The following ABHD3 variants were observed in gnomAD, a reference collection of about 807,000 sequenced individuals.
ABHD3 encodes the protein abhydrolase domain containing 3, phospholipase.
Under a neutral mutation model 48.8 loss-of-function variants are expected in ABHD3, and 46 were observed. The observed-to-expected ratio is 0.94, with a 90% confidence interval of 0.74 to 1.20. The LOEUF (loss-of-function observed/expected upper bound fraction) is 1.20, where lower values mean the gene tolerates loss of function less well. Ranked by LOEUF, ABHD3 falls within the 50% of genes most tolerant of loss-of-function variation. The pLI is 0.00. For synonymous variants in ABHD3, 192 were observed against 183.7 expected, an observed-to-expected ratio of 1.04 and a Z score of -0.36; for missense variants, 490 against 497.8, an observed-to-expected ratio of 0.98 and a Z score of 0.15.
In ABHD3 at chr18:21,704,490, C is replaced by T. The variant is rs778465944; in HGVS notation, c.162+14G>A. Reference sequence around the variant, plus strand: ...GGCCCAGCAGCCCGCGGCCCTGCGCCACCCCCGGCTCACCTTGGCAATGCT... The same window carrying T: ...GGCCCAGCAGCCCGCGGCCCTGCGCTACCCCCGGCTCACCTTGGCAATGCT... On this transcript the variant is annotated intron_variant, in intron 1 of 8. Coordinates refer to ENST00000289119, the MANE Select transcript of ABHD3 (RefSeq NM_138340.5). The T allele has an allele frequency of 5.7e-6, 8 of 1,397,112 alleles. No homozygotes were observed. The East Asian group carries it at 9.2e-5, about 16-fold the overall frequency. 86.5% of individuals were successfully genotyped at this position (1,397,112 alleles called of 1,614,324 possible).
At chr18:21,696,632 G>A (rs1024186446) in intron 3 of ABHD3, among the ~76,000 whole-genome samples, 10 of 152,166 alleles carry the variant, frequency 6.6e-5, no homozygotes, top group African/African-American at 2.4e-4. Context: ...AATTGTTAGA[G>A]AAAACTGCCT....
At chr18:21,653,159 C>A (rs1289440973) in intron 8 of ABHD3, among the ~76,000 whole-genome samples, 1 of 137,682 alleles carries the variant, frequency 7.3e-6, no homozygotes, top group Non-Finnish European at 1.5e-5. Context: ...GTCAGGAGTT[C>A]AAGAACGGCC....
At chr18:21,687,991 A>G (rs1296017602) in intron 3 of ABHD3, among the ~76,000 whole-genome samples, 2 of 152,166 alleles carry the variant, frequency 1.3e-5, no homozygotes, top group Non-Finnish European at 2.9e-5. Flanking sequence ...CTGGGGGAAA[A>G]ACGGCCCCTA....
At chr18:21,699,168 C>T (rs1171089894) in intron 3 of ABHD3, among the ~76,000 whole-genome samples, 2 of 152,132 alleles carry the variant, frequency 1.3e-5, no homozygotes, top group Admixed American at 6.5e-5. Flanking sequence ...CCCACCTCAG[C>T]CTCCCAAAGT....
chr18:21,661,897 C>T (rs990878856), intron 5 of ABHD3: 27 of 152,110 alleles, frequency 1.8e-4, no homozygotes, highest in African/African-American at 6.0e-4. Flanking sequence ...GTCTCGAACT[C>T]CCGAACTCAG....
At chr18:21,689,847 C>T (rs895699419) in intron 3 of ABHD3, among the ~76,000 whole-genome samples, 2 of 152,018 alleles carry the variant, frequency 1.3e-5, no homozygotes, top group African/African-American at 4.8e-5. Flanking sequence ...TTGAGTGCAG[C>T]CAAGTTAACT....
chr18:21,701,565 CAA>C lies in ABHD3; in HGVS notation c.509+749_509+750del, dbSNP rs1568167111. 6 of 151,812 alleles carry C rather than the reference CAA, an allele frequency of 4.0e-5. No individual in the cohort carries two copies. In the South Asian group the frequency reaches 1.0e-3, roughly 26 times the overall value. 9.4% of individuals were successfully genotyped at this position (151,812 alleles called of 1,614,324 possible). ...TTTCACACAAGTGTTTCAAGTTTAA[CAA>C]AAGATACAACTCTACTTTAAATACA... is the stretch of plus-strand genomic sequence containing the variant. On this transcript the variant is annotated intron_variant, in intron 3 of 8. Coordinates refer to ENST00000289119, the MANE Select transcript of ABHD3 (RefSeq NM_138340.5).
intron 4 of ABHD3, chr18:21,682,338 G>C (rs748871436): frequency 2.2e-4 from 34 of 152,188 alleles, no homozygotes; most frequent in Non-Finnish European, 1.2e-4. Context: ...TGCGCTGAGA[G>C]AGCCTCTCTC....
chr18:21,673,000 C>T (rs781066338), intron 4 of ABHD3, among the ~76,000 whole-genome samples: 3 of 152,144 alleles, frequency 2.0e-5, no homozygotes, highest in Admixed American at 1.3e-4. Context: ...AGATGGCAGC[C>T]GTGCATGCTC....
intron 5 of ABHD3, chr18:21,661,836 C>T (rs2039505954): frequency 6.6e-6 from 1 of 151,950 alleles, no homozygotes. Context: ...CCATGCCCAG[C>T]TAATTTTGCA....
At chr18:21,690,695 TA>T (rs34349654) in intron 3 of ABHD3, among the ~76,000 whole-genome samples, 53,484 of 151,090 alleles carry the variant, frequency 0.35, 14,473 homozygotes, top group African/African-American at 0.74. Flanking sequence ...AGACAGGATT[TA>T]AAAAAAAGCA....
intron 8 of ABHD3, among the ~76,000 whole-genome samples, chr18:21,653,654 C>T (rs1451411088): frequency 6.7e-6 from 1 of 150,256 alleles, no homozygotes; most frequent in African/African-American, 2.5e-5. Context: ...AATCTCAGCA[C>T]TTTGGGGGGA....
At chr18:21,703,849 C>A in intron 1 of ABHD3, 102 bp from the exon 2 acceptor site, 1 of 1,316,920 alleles carries the variant, frequency 7.6e-7, no homozygotes, top group Non-Finnish European at 1.1e-6. Context: ...GCGCTTCCTC[C>A]GATTACAACT....
intron 5 of ABHD3, among the ~76,000 whole-genome samples, chr18:21,663,463 CAA>C (rs1242372311): frequency 1.4e-5 from 2 of 141,362 alleles, no homozygotes; most frequent in African/African-American, 2.6e-5. Flanking sequence ...CTAGAACAAC[CAA>C]AAAAAAAAAC....
intron 3 of ABHD3, among the ~76,000 whole-genome samples, chr18:21,691,022 C>CAAGATCT (rs1435543692): frequency 7.0e-6 from 1 of 143,458 alleles, no homozygotes; most frequent in East Asian, 2.0e-4. Flanking sequence ...AAAAAAAGAG[C>CAAGATCT]AAGATCTAAC....
chr18:21,654,632 TAG>T (rs1313609270), intron 8 of ABHD3, among the ~76,000 whole-genome samples: 3 of 152,196 alleles, frequency 2.0e-5, no homozygotes, highest in African/African-American at 4.8e-5. Context: ...ACCAAACATT[TAG>T]AGTGTTTCAT....
chr18:21,669,033 G>A (rs775586867), intron 4 of ABHD3, among the ~76,000 whole-genome samples: 23 of 152,064 alleles, frequency 1.5e-4, no homozygotes, highest in Middle Eastern at 3.4e-3. Context: ...AGCACCCTGG[G>A]CAACACAGCA....
At chr18:21,673,882 A>G (rs2039814245) in intron 4 of ABHD3, among the ~76,000 whole-genome samples, 1 of 152,158 alleles carries the variant, frequency 6.6e-6, no homozygotes, top group South Asian at 2.1e-4. Context: ...TGGGATTATA[A>G]GTGTGAGCCA....
At chr18:21,702,045 C>T (rs1014853499) in intron 3 of ABHD3, 1 of 258,166 alleles carries the variant, frequency 3.9e-6, no homozygotes, top group Admixed American at 5.2e-5. Context: ...GGGAAGGGCT[C>T]AGTCAATGCT....
Sources: gnomAD v4.1 joint callset for allele counts (sites outside exome capture counted in the v4.1 genomes callset) on GRCh38, gnomAD v4.1.1 for gene constraint, MANE v1.5 for transcripts, NCBI Gene and HGNC (gene_info 2026-07-23, HGNC 2026-07-21) for gene names.